PPFIA2: variants seen among roughly 807,000 people sequenced by gnomAD.
PPFIA2 encodes the protein liprin-alpha-2.
A neutral mutation model predicts 175.5 loss-of-function variants in PPFIA2; 46 were observed. The ratio of observed to expected loss-of-function variants is 0.26; its 90% CI spans 0.21 to 0.34. The LOEUF (loss-of-function observed/expected upper bound fraction) is 0.34. Among genes scored for constraint, PPFIA2 ranks in the 10% least tolerant of loss-of-function variants. The probability of loss-of-function intolerance (pLI) is 1.00; values close to 1 mark genes in which losing one functional copy is unlikely to be tolerated. For synonymous variants in PPFIA2, 568 were observed against 511.4 expected, an observed-to-expected ratio of 1.11 and a Z score of -1.49; for missense variants, 1,179 against 1,506.1, an observed-to-expected ratio of 0.78 and a Z score of 3.60.
intron 4 of PPFIA2, among the ~76,000 whole-genome samples, chr12:81,528,865 A>T (rs2064087261): frequency 1.3e-5 from 2 of 152,036 alleles, no homozygotes; most frequent in Admixed American, 1.3e-4. Context: ...TGTATAAAAG[A>T]GTAATTGAGC....
chr12:81,628,882 G>C (rs1237740148), intron 4 of PPFIA2, among the ~76,000 whole-genome samples: 1 of 152,122 alleles, frequency 6.6e-6, no homozygotes, highest in Non-Finnish European at 1.5e-5. Flanking sequence ...TTAGAGCAAA[G>C]GGATCCAATT....
chr12:81,628,347 G>C (rs138988374), intron 4 of PPFIA2, among the ~76,000 whole-genome samples: 1 of 148,292 alleles, frequency 6.7e-6, no homozygotes, highest in Non-Finnish European at 1.5e-5. Context: ...ACATGATCTC[G>C]ACTAAATCCA....
intron 4 of PPFIA2, among the ~76,000 whole-genome samples, chr12:81,557,010 G>A (rs1220676001): frequency 6.6e-6 from 1 of 151,700 alleles, no homozygotes; most frequent in Admixed American, 6.6e-5. Context: ...AATATTTGTA[G>A]AAGTGATCTA....
intron 3 of PPFIA2, among the ~76,000 whole-genome samples, chr12:81,723,190 A>C (rs2079576350): frequency 6.6e-6 from 1 of 150,922 alleles, no homozygotes; most frequent in Non-Finnish European, 1.5e-5. Flanking sequence ...CTGCATGCAA[A>C]CCCTTTAAAA....
intron 4 of PPFIA2, among the ~76,000 whole-genome samples, chr12:81,627,528 G>A (rs1334495386): frequency 1.3e-5 from 2 of 152,068 alleles, no homozygotes; most frequent in African/African-American, 4.8e-5. Context: ...TTACTAGAAA[G>A]ATGTCATCTG....
At chr12:81,260,556 C>A (rs2035087280) in intron 32 of PPFIA2, 1 of 152,068 alleles carries the variant, frequency 6.6e-6, no homozygotes, top group Non-Finnish European at 1.5e-5. Flanking sequence ...TAATTAGGTG[C>A]CAAATTATAT....
At position 81,705,167 on chromosome 12, in the gene PPFIA2, C is replaced by T. The variant is rs1333720509; in HGVS notation, c.250-28323G>A. Among the ~76,000 whole-genome samples the T allele has an allele frequency of 4.2e-5, 6 of 141,424 alleles. No homozygotes were observed. The East Asian group carries it at 1.3e-3, about 32-fold the overall frequency. 92.8% of individuals were successfully genotyped at this position (141,424 alleles called of 152,430 possible). A position where few individuals can be genotyped will look rare whatever the true frequency, so the allele number is the denominator to read the frequency against. On this transcript the variant is annotated intron_variant, in intron 3 of 32. Transcript: ENST00000549396. ...TGTATTGTTACAAAAATGAAAGATA[C>T]GGCCGGGCGCAGTGGCTCACTCCTA...
intron 22 of PPFIA2, 145 bp from the exon 23 acceptor site, chr12:81,299,527 T>A: frequency 2.6e-6 from 3 of 1,135,058 alleles, no homozygotes; most frequent in South Asian, 2.2e-5. Flanking sequence ...CCTTATTCCT[T>A]TGAGTAACAC....
chr12:81,525,316 G>A (rs1567187295), intron 4 of PPFIA2, among the ~76,000 whole-genome samples: 1 of 152,080 alleles, frequency 6.6e-6, no homozygotes, highest in East Asian at 1.9e-4. Context: ...AAAGATTTTT[G>A]CACATGTAAT....
At chr12:81,491,806 T>C (rs570913014) in intron 4 of PPFIA2, among the ~76,000 whole-genome samples, 1 of 152,094 alleles carries the variant, frequency 6.6e-6, no homozygotes, top group South Asian at 2.1e-4. Flanking sequence ...CATGTACTAG[T>C]CTTTACCTAT....
intron 30 of PPFIA2, 25 bp from the exon 31 acceptor site, chr12:81,263,415 G>A (rs1408690969): frequency 6.3e-7 from 1 of 1,598,804 alleles, no homozygotes; most frequent in Admixed American, 1.7e-5. Flanking sequence ...ATAAGGTGAT[G>A]TTATGAAAAC....
chr12:81,605,459 A>T (rs1300276949), intron 4 of PPFIA2, among the ~76,000 whole-genome samples: 1 of 151,706 alleles, frequency 6.6e-6, no homozygotes, highest in East Asian at 1.9e-4. Flanking sequence ...CAGATATTAC[A>T]CTTTGCATGG....
At chr12:81,267,145 C>A (rs551112960) in intron 29 of PPFIA2, 125 bp from the exon 30 acceptor site, 22 of 729,040 alleles carry the variant, frequency 3.0e-5, no homozygotes, top group Non-Finnish European at 4.8e-5. Context: ...AAGTTTTTAG[C>A]CCTCCATGTC....
At chr12:81,708,677 TTAGGAA>T (rs899727627) in intron 3 of PPFIA2, among the ~76,000 whole-genome samples, 3 of 152,160 alleles carry the variant, frequency 2.0e-5, no homozygotes, top group African/African-American at 7.2e-5. Flanking sequence ...CTTCAAATGA[TTAGGAA>T]TAACACAGCT....
intron 7 of PPFIA2, among the ~76,000 whole-genome samples, chr12:81,423,012 C>T (rs1298138699): frequency 6.6e-6 from 1 of 152,090 alleles, no homozygotes; most frequent in Admixed American, 6.6e-5. Context: ...ACCCAGCAAA[C>T]TGCAGAGCCA....
At chr12:81,359,657 C>A (rs1438262321) in intron 15 of PPFIA2, among the ~76,000 whole-genome samples, 1 of 151,822 alleles carries the variant, frequency 6.6e-6, no homozygotes, top group Non-Finnish European at 1.5e-5. Flanking sequence ...CTTAAACTGT[C>A]TTGTTGTGAT....
intron 17 of PPFIA2, 76 bp from the exon 18 acceptor site, chr12:81,347,846 G>T (rs1011059483): frequency 4.1e-5 from 63 of 1,533,012 alleles, no homozygotes; most frequent in Non-Finnish European, 5.1e-5. Context: ...AGGATCATTG[G>T]AATTCACATA....
At chr12:81,491,918 C>T (rs1373506704) in intron 4 of PPFIA2, among the ~76,000 whole-genome samples, 2 of 152,008 alleles carry the variant, frequency 1.3e-5, no homozygotes, top group African/African-American at 2.4e-5. Flanking sequence ...AGCCTCACAT[C>T]ATTTCTCTTG....
intron 8 of PPFIA2, among the ~76,000 whole-genome samples, chr12:81,397,497 C>T (rs2041350804): frequency 6.6e-6 from 1 of 152,066 alleles, no homozygotes; most frequent in Admixed American, 6.6e-5. Context: ...TCAACTATAG[C>T]AAGGCCTGAG....
Sources: gnomAD v4.1 joint callset for allele counts (sites outside exome capture counted in the v4.1 genomes callset) on GRCh38, gnomAD v4.1.1 for gene constraint, MANE v1.5 for transcripts, NCBI Gene and HGNC (gene_info 2026-07-23, HGNC 2026-07-21) for gene names.